The following C12orf42 variants were observed in gnomAD, a reference collection of about 807,000 sequenced individuals.
The protein encoded by C12orf42 is chromosome 12 open reading frame 42.
A neutral mutation model predicts 21.6 loss-of-function variants in C12orf42; 25 were observed. The ratio of observed to expected loss-of-function variants is 1.16; its 90% CI spans 0.84 to 1.62. C12orf42 has a LOEUF of 1.62. C12orf42 is among the 40% of genes most tolerant of loss of function. The pLI is 0.00. For missense variants in C12orf42, 483 were observed against 459.3 expected (o/e 1.05, Z -0.47); for synonymous variants, 174 against 175.0 (o/e 0.99, Z 0.05).
intron 2 of C12orf42, among the ~76,000 whole-genome samples, chr12:103,426,409 GA>G (rs1430541143): frequency 2.6e-5 from 4 of 152,090 alleles, no homozygotes. Flanking sequence ...CAAGATTAGA[GA>G]AAAAAGAATG....
chr12:103,355,424 T>G (rs372618560), intron 4 of C12orf42, among the ~76,000 whole-genome samples: 2 of 152,138 alleles, frequency 1.3e-5, no homozygotes, highest in South Asian at 2.1e-4. Context: ...AAGTCAGATG[T>G]CATACATTTT....
intron 3 of C12orf42, among the ~76,000 whole-genome samples, chr12:103,400,281 T>C (rs1336396108): frequency 6.6e-6 from 1 of 152,194 alleles, no homozygotes; most frequent in African/African-American, 2.4e-5. Flanking sequence ...TCCAGAGGCA[T>C]CATCTTGCTG....
At chr12:103,116,383 T>A in the C12orf42 span, among the ~76,000 whole-genome samples, 12,358 of 135,514 alleles carry the variant, frequency 0.091, 594 homozygotes, top group South Asian at 0.11. Flanking sequence ...AAAAAAAAAA[T>A]ATATATATAT....
intron 4 of C12orf42, among the ~76,000 whole-genome samples, chr12:103,346,906 G>T (rs2042671201): frequency 6.6e-6 from 1 of 152,148 alleles, no homozygotes; most frequent in Admixed American, 6.6e-5. Flanking sequence ...TTGCTTAGCT[G>T]TTTAGTCTTA....
chr12:103,103,863 C>T, the C12orf42 span, among the ~76,000 whole-genome samples: 22 of 148,956 alleles, frequency 1.5e-4, no homozygotes, highest in Admixed American at 7.4e-4. Context: ...TGCAGTGGTG[C>T]GATCGCGGCT....
At chr12:103,505,552 C>T in the C12orf42 span, 8 of 370,914 alleles carry the variant, frequency 2.2e-5, no homozygotes, top group Admixed American at 2.4e-4. Context: ...GAAATGAACA[C>T]ATCTGAATGC....
the C12orf42 span, among the ~76,000 whole-genome samples, chr12:103,193,927 AC>A: frequency 6.6e-6 from 1 of 152,160 alleles, no homozygotes; most frequent in South Asian, 2.1e-4. Context: ...AAAATCCTCA[AC>A]AAAACATTTG....
chr12:103,511,001 TCC>T, the C12orf42 span, among the ~76,000 whole-genome samples: 1 of 152,222 alleles, frequency 6.6e-6, no homozygotes, highest in Admixed American at 6.5e-5. Context: ...AGGCTCCCAT[TCC>T]AGCCTCTTCT....
the C12orf42 span, among the ~76,000 whole-genome samples, chr12:103,080,290 C>T: frequency 0.18 from 26,904 of 152,040 alleles, 2,725 homozygotes; most frequent in Admixed American, 0.24. Flanking sequence ...TGATTCAGGA[C>T]ATAGTTATGG....
chr12:103,223,669 T>C, the C12orf42 span, among the ~76,000 whole-genome samples: 3 of 152,188 alleles, frequency 2.0e-5, no homozygotes, highest in African/African-American at 7.2e-5. Flanking sequence ...GGAGTATGAC[T>C]AGACAGAAGA....
intron 4 of C12orf42, among the ~76,000 whole-genome samples, chr12:103,314,146 C>T (rs1465734307): frequency 1.3e-5 from 2 of 151,920 alleles, no homozygotes; most frequent in African/African-American, 4.8e-5. Flanking sequence ...GATGTGTTTT[C>T]AGAACTGAGA....
the C12orf42 span, among the ~76,000 whole-genome samples, chr12:103,509,208 G>A: frequency 6.6e-6 from 1 of 152,102 alleles, no homozygotes; most frequent in African/African-American, 2.4e-5. Context: ...ACTCATTTGT[G>A]CCATTCAGCA....
At chr12:103,346,513 AGCAGAACATTCTT>A (rs1296731209) in intron 4 of C12orf42, among the ~76,000 whole-genome samples, 1 of 152,218 alleles carries the variant, frequency 6.6e-6, no homozygotes, top group African/African-American at 2.4e-5. Flanking sequence ...TTTGATGTAT[AGCAGAACATTCTT>A]TTTCCAAATC....
At chr12:103,264,205 T>C (rs1463898775), downstream of C12orf42, among the ~76,000 whole-genome samples, 3 of 152,104 alleles carry the variant, frequency 2.0e-5, no homozygotes, top group Non-Finnish European at 4.4e-5. Context: ...CTTAGGAGGA[T>C]TCTAAGTGGA....
At chr12:103,226,243 A>G in the C12orf42 span, among the ~76,000 whole-genome samples, 3 of 152,176 alleles carry the variant, frequency 2.0e-5, no homozygotes, top group Admixed American at 6.5e-5. Context: ...GGTTTGTCTC[A>G]CAGAGGAGGC....
chr12:103,180,152 G>A, the C12orf42 span, among the ~76,000 whole-genome samples: 1 of 151,762 alleles, frequency 6.6e-6, no homozygotes, highest in African/African-American at 2.4e-5. Context: ...AAAAAAAGGT[G>A]AAAATTTACT....
At chr12:103,539,806 C>T in the C12orf42 span, among the ~76,000 whole-genome samples, 1 of 151,980 alleles carries the variant, frequency 6.6e-6, no homozygotes, top group Non-Finnish European at 1.5e-5. Context: ...GTCTTGAACT[C>T]CTGACCTCGT....
the C12orf42 span, among the ~76,000 whole-genome samples, chr12:103,116,327 G>A: frequency 6.7e-6 from 1 of 148,972 alleles, no homozygotes; most frequent in Non-Finnish European, 1.5e-5. Context: ...TCACGCCATT[G>A]CACTCCAGCC....
chr12:103,160,231 C>T, the C12orf42 span, among the ~76,000 whole-genome samples: 649 of 152,280 alleles, frequency 4.3e-3, 4 homozygotes, highest in African/African-American at 0.015. Context: ...TACAGCAAAG[C>T]AGAGTGGAAT....
Sources: gnomAD v4.1 joint callset for allele counts (sites outside exome capture counted in the v4.1 genomes callset) on GRCh38, gnomAD v4.1.1 for gene constraint, MANE v1.5 for transcripts, NCBI Gene and HGNC (gene_info 2026-07-23, HGNC 2026-07-21) for gene names.